Variants in RAB11FIP4 observed in about 807,000 individuals in gnomAD.
RAB11FIP4 encodes rab11 family-interacting protein 4.
A neutral mutation model predicts 74.3 loss-of-function variants in RAB11FIP4; 23 were observed. The observed-to-expected ratio is 0.31, with a 90% confidence interval of 0.22 to 0.44. The LOEUF (loss-of-function observed/expected upper bound fraction) is 0.44. Ranked by LOEUF, RAB11FIP4 falls within the 20% of genes least tolerant of loss-of-function variation. The pLI is 1.00. For synonymous variants in RAB11FIP4, 360 were observed against 359.9 expected, an observed-to-expected ratio of 1.00 and a Z score of 0.00; for missense variants, 630 against 863.9, an observed-to-expected ratio of 0.73 and a Z score of 3.39.
intron 3 of RAB11FIP4, among the ~76,000 whole-genome samples, chr17:31,489,229 G>A (rs2071960694): frequency 6.6e-6 from 1 of 152,228 alleles, no homozygotes; most frequent in Non-Finnish European, 1.5e-5. Context: ...AGAGCAGGAG[G>A]CAGGTGGCAT....
At chr17:31,488,021 C>T (rs2071930712) in intron 3 of RAB11FIP4, 2 of 1,011,978 alleles carry the variant, frequency 2.0e-6, no homozygotes, top group African/African-American at 1.7e-5. Flanking sequence ...GCCCAGGCGC[C>T]TCGTGATGTC....
intron 3 of RAB11FIP4, among the ~76,000 whole-genome samples, chr17:31,441,407 G>A (rs1197619670): frequency 1.3e-5 from 2 of 152,116 alleles, no homozygotes; most frequent in Admixed American, 6.6e-5. Context: ...GTGCTGATAT[G>A]TGTAGGATCT....
intron 3 of RAB11FIP4, among the ~76,000 whole-genome samples, chr17:31,515,045 G>T (rs1567686619): frequency 6.6e-6 from 1 of 152,176 alleles, no homozygotes. Context: ...GACTTCTGAT[G>T]CGCTACTCTT....
At chr17:31,447,152 T>C (rs11657477) in intron 3 of RAB11FIP4, among the ~76,000 whole-genome samples, 2,951 of 152,204 alleles carry the variant, frequency 0.019, 51 homozygotes, top group South Asian at 0.038. Flanking sequence ...GGCGTGGTGG[T>C]GGGCGCCTGT....
At chr17:31,442,679 G>T (rs1480027003) in intron 3 of RAB11FIP4, among the ~76,000 whole-genome samples, 1 of 152,180 alleles carries the variant, frequency 6.6e-6, no homozygotes, top group African/African-American at 2.4e-5. Context: ...GGATGCAAAG[G>T]CTGGGCGCGG....
intron 3 of RAB11FIP4, among the ~76,000 whole-genome samples, chr17:31,460,893 G>A (rs184112443): frequency 1.3e-5 from 2 of 152,026 alleles, no homozygotes; most frequent in African/African-American, 2.4e-5. Context: ...ACCACGCCCG[G>A]CCATGTGTGT....
At chr17:31,505,621 A>ATATAT (rs1260661600) in intron 3 of RAB11FIP4, among the ~76,000 whole-genome samples, 18 of 35,866 alleles carry the variant, frequency 5.0e-4, no homozygotes, top group African/African-American at 1.9e-3. Context: ...TATATATAAT[A>ATATAT]TATAATTATA....
At position 31,512,457 on chromosome 17, in the gene RAB11FIP4, TG is replaced by T. The variant is rs2072468896; in HGVS notation, c.337-5190del. Among the ~76,000 whole-genome samples, 2 of 152,256 alleles carry T rather than the reference TG, an allele frequency of 1.3e-5. No individual in the cohort carries two copies. The highest frequency in any genetic ancestry group is 4.8e-5 in the African/African-American group (2 of 41,556). On this transcript the variant is annotated intron_variant, in intron 3 of 14. Coordinates refer to ENST00000621161, the MANE Select transcript of RAB11FIP4 (RefSeq NM_032932.6). The surrounding 1 kb of genome is among the most constrained non-coding windows in gnomAD (Gnocchi z 4.1). The stretch of plus-strand genomic sequence containing the variant: ...CCCAAGCCCACCCCCAGGGGCCTCC[TG>T]GGGCTTCTGGAGGAACACGCTGCTG...
intron 1 of RAB11FIP4, among the ~76,000 whole-genome samples, chr17:31,411,313 A>G (rs555880585): frequency 1.2e-3 from 178 of 152,304 alleles, no homozygotes; most frequent in African/African-American, 3.9e-3. Flanking sequence ...GCAGTGAGCC[A>G]AGATCGCACC....
chr17:31,452,685 C>T (rs1032296824), intron 3 of RAB11FIP4, among the ~76,000 whole-genome samples: 3 of 152,154 alleles, frequency 2.0e-5, no homozygotes, highest in Admixed American at 6.5e-5. Context: ...CTCCTCTGCC[C>T]CTCCTCCCTC....
At chr17:31,498,406 TG>T (rs2072157156) in intron 3 of RAB11FIP4, among the ~76,000 whole-genome samples, 1 of 152,082 alleles carries the variant, frequency 6.6e-6, no homozygotes, top group East Asian at 1.9e-4. Context: ...GGGAAGACCA[TG>T]GGGGCTATGT....
At chr17:31,516,331 C>CT (rs1453948257) in intron 3 of RAB11FIP4, among the ~76,000 whole-genome samples, 3 of 151,960 alleles carry the variant, frequency 2.0e-5, no homozygotes, top group African/African-American at 4.8e-5. Flanking sequence ...AAGAAGCCTT[C>CT]TAGAAGCCGT....
rs1597988909 is a variant in RAB11FIP4 at position 31,530,402 on chromosome 17, A to C, written c.1730A>C (p.Asn577Thr). The C allele has an allele frequency of 6.2e-7, 1 of 1,613,530 alleles. No individual in the cohort carries two copies. The highest frequency in any genetic ancestry group is 8.5e-7 in the Non-Finnish European group (1 of 1,179,892). The part of the protein sequence containing the change: ...ILSLSLYEAK[N>T]LFAAQTKAQS... Reference sequence around the variant, plus strand: ...AGCCTCAGCCTCTACGAAGCAAAAAACCTCTTTGCTGCCCAGACTAAAGCC... The same window carrying C: ...AGCCTCAGCCTCTACGAAGCAAAAACCCTCTTTGCTGCCCAGACTAAAGCC... Residue 577 changes from asparagine to threonine, a missense_variant, in exon 14 of 15, where the codon AAC becomes ACC. Coordinates refer to ENST00000621161, the MANE Select transcript of RAB11FIP4 (RefSeq NM_032932.6).
At chr17:31,490,020 T>C (rs2142750858) in intron 3 of RAB11FIP4, among the ~76,000 whole-genome samples, 1 of 152,128 alleles carries the variant, frequency 6.6e-6, no homozygotes, top group African/African-American at 2.4e-5. Context: ...AAGGGACTTT[T>C]AGGCAAGTGG....
At chr17:31,504,199 C>T (rs868349859) in intron 3 of RAB11FIP4, among the ~76,000 whole-genome samples, 1 of 146,826 alleles carries the variant, frequency 6.8e-6, no homozygotes, top group Non-Finnish European at 1.5e-5. Context: ...GGCGCGACCT[C>T]GGCTCACTGC....
chr17:31,528,133 G>C (rs562060395), intron 11 of RAB11FIP4, among the ~76,000 whole-genome samples: 1 of 150,802 alleles, frequency 6.6e-6, no homozygotes, highest in South Asian at 2.1e-4. Flanking sequence ...GTTTTAGAAA[G>C]AGGTTAGCTT....
intron 3 of RAB11FIP4, among the ~76,000 whole-genome samples, chr17:31,479,289 T>C (rs911724166): frequency 6.6e-6 from 1 of 152,216 alleles, no homozygotes; most frequent in Non-Finnish European, 1.5e-5. Flanking sequence ...ATCTGATGTG[T>C]CTGGGAAGAG....
intron 1 of RAB11FIP4, among the ~76,000 whole-genome samples, chr17:31,430,068 G>C (rs1472187366): frequency 1.3e-5 from 2 of 152,190 alleles, no homozygotes; most frequent in African/African-American, 2.4e-5. Context: ...CTGATTGGAT[G>C]GGGGTGGTCA....
chr17:31,398,130 C>T (rs958913554), intron 1 of RAB11FIP4, among the ~76,000 whole-genome samples: 3 of 152,096 alleles, frequency 2.0e-5, no homozygotes, highest in Non-Finnish European at 2.9e-5. Context: ...CCTCCAACTC[C>T]GGGGTTCAAG....
Sources: gnomAD v4.1 joint callset for allele counts (sites outside exome capture counted in the v4.1 genomes callset) on GRCh38, gnomAD v4.1.1 for gene constraint, Gnocchi (gnomAD v3.1) non-coding constraint, MANE v1.5 for transcripts, NCBI Gene and HGNC (gene_info 2026-07-23, HGNC 2026-07-21) for gene names.